ORC4: variants seen among roughly 807,000 people sequenced by gnomAD.
ORC4 encodes origin recognition complex, subunit 4 homolog.
A neutral mutation model predicts 63.9 loss-of-function variants in ORC4; 55 were observed. The observed-to-expected ratio is 0.86, with a 90% CI of 0.69 to 1.08. ORC4 has a LOEUF of 1.08. Among genes scored for constraint, ORC4 ranks in the 50% least tolerant of loss-of-function variants. The pLI, the probability that ORC4 is intolerant of heterozygous loss-of-function variation, is 0.00. For synonymous variants in ORC4, 150 were observed against 168.5 expected, an observed-to-expected ratio of 0.89 and a Z score of 0.85; for missense variants, 511 against 504.4, an observed-to-expected ratio of 1.01 and a Z score of -0.13.
At chr2:147,971,923 TTAA>T (rs1280215974) in intron 4 of ORC4, among the ~76,000 whole-genome samples, 1 of 152,128 alleles carries the variant, frequency 6.6e-6, no homozygotes, top group Non-Finnish European at 1.5e-5. Flanking sequence ...CGTACTCATC[TTAA>T]TAATGTAATT....
chr2:148,015,953 T>C (rs1693256155), intron 1 of ORC4, among the ~76,000 whole-genome samples: 1 of 152,128 alleles, frequency 6.6e-6, no homozygotes, highest in South Asian at 2.1e-4. Flanking sequence ...CAACAACCAA[T>C]TGAGAGCAAT....
intron 5 of ORC4, 68 bp from the exon 6 acceptor site, chr2:147,958,451 T>A: frequency 8.7e-7 from 1 of 1,152,630 alleles, no homozygotes; most frequent in Admixed American, 1.8e-5. Context: ...CAGGTTGTTT[T>A]CCAGTTAAGT....
chr2:148,021,410 G>A (rs1693711017), upstream of ORC4: 1 of 529,128 alleles, frequency 1.9e-6, no homozygotes, highest in African/African-American at 1.9e-5. Context: ...CGTGAGAGGA[G>A]GAGAGAAAGA....
At chr2:147,984,189 C>T (rs574928911) in intron 1 of ORC4, among the ~76,000 whole-genome samples, 3 of 152,196 alleles carry the variant, frequency 2.0e-5, no homozygotes, top group African/African-American at 7.2e-5. Context: ...TGTCTTGTCT[C>T]CCCTTCTACC....
chr2:147,979,467 T>C (rs2105365613), intron 1 of ORC4, among the ~76,000 whole-genome samples: 1 of 152,270 alleles, frequency 6.6e-6, no homozygotes, highest in South Asian at 2.1e-4. Flanking sequence ...ATATACTCCA[T>C]GTTCATGGAC....
chr2:147,959,942 C>A (rs968728193), intron 4 of ORC4, among the ~76,000 whole-genome samples: 4 of 152,112 alleles, frequency 2.6e-5, no homozygotes, highest in African/African-American at 7.2e-5. Flanking sequence ...AAGAGTACAT[C>A]CCTAGATGAT....
At chr2:147,990,256 G>A (rs1003128320) in intron 1 of ORC4, among the ~76,000 whole-genome samples, 5 of 152,256 alleles carry the variant, frequency 3.3e-5, no homozygotes, top group Admixed American at 6.5e-5. Flanking sequence ...GTCAAATAAC[G>A]TAAAATGAAA....
At position 147,931,817 on chromosome 2, in the gene ORC4, A is replaced by G. The variant is rs1687760056; in HGVS notation, c.*3693T>C. The G allele has an allele frequency of 6.6e-6, 1 of 151,908 alleles. No homozygotes were observed. Among genetic ancestry groups the G allele is most frequent in the Non-Finnish European group, 1.5e-5 (1 of 68,018 alleles). 9.4% of individuals were successfully genotyped at this position (151,908 alleles called of 1,614,324 possible). A position where few individuals can be genotyped will look rare whatever the true frequency, so the allele number is the denominator to read the frequency against. On this transcript the variant is annotated 3_prime_UTR_variant, in exon 14 of 14. Coordinates refer to ENST00000392857, the MANE Select transcript of ORC4 (RefSeq NM_181741.4). ...TGATGGGGTGTATTTCAAAATAATA[A>G]GAGCTATCTATGACAAACCCACAGC...
chr2:147,991,239 G>C (rs531389461), intron 1 of ORC4, among the ~76,000 whole-genome samples: 84 of 151,846 alleles, frequency 5.5e-4, no homozygotes, highest in African/African-American at 1.9e-3. Flanking sequence ...GTAGAGATGG[G>C]GTTTCACCAT....
At chr2:147,954,719 T>C (rs1425727485) in intron 7 of ORC4, among the ~76,000 whole-genome samples, 2 of 152,158 alleles carry the variant, frequency 1.3e-5, no homozygotes, top group East Asian at 3.8e-4. Flanking sequence ...TTATGCAAAT[T>C]AAAGAACAAA....
chr2:147,989,535 A>G (rs1674863286), intron 1 of ORC4, among the ~76,000 whole-genome samples: 2 of 152,026 alleles, frequency 1.3e-5, no homozygotes, highest in African/African-American at 4.8e-5. Context: ...GTGAAACTCC[A>G]TCTCTACTAA....
chr2:147,976,418 G>A (rs750022869), intron 1 of ORC4, among the ~76,000 whole-genome samples: 7 of 152,132 alleles, frequency 4.6e-5, no homozygotes, highest in Non-Finnish European at 8.8e-5. Flanking sequence ...TATATGCACT[G>A]AGAAAAGTTT....
chr2:148,000,068 A>T (rs936981857), intron 1 of ORC4, among the ~76,000 whole-genome samples: 1 of 151,702 alleles, frequency 6.6e-6, no homozygotes, highest in Non-Finnish European at 1.5e-5. Context: ...AAGAAAAAAA[A>T]AACATAAAAA....
upstream of ORC4, chr2:148,021,455 T>C (rs1486528994): frequency 5.2e-6 from 3 of 573,632 alleles, no homozygotes; most frequent in African/African-American, 1.9e-5. Context: ...GACCCTTTGC[T>C]GCTGCTGTTG....
chr2:147,941,933 A>G (rs1337771542), intron 10 of ORC4, among the ~76,000 whole-genome samples: 2 of 152,140 alleles, frequency 1.3e-5, no homozygotes, highest in Non-Finnish European at 2.9e-5. Context: ...AGAAGCAGCA[A>G]TGAGGAAAGA....
chr2:147,974,112 G>C (rs1320756181), intron 2 of ORC4, among the ~76,000 whole-genome samples: 1 of 152,124 alleles, frequency 6.6e-6, no homozygotes, highest in East Asian at 1.9e-4. Flanking sequence ...ATGTACCAAA[G>C]AAGTAAATCT....
At chr2:147,991,543 A>C (rs1487564049) in intron 1 of ORC4, among the ~76,000 whole-genome samples, 2 of 151,978 alleles carry the variant, frequency 1.3e-5, no homozygotes, top group Admixed American at 6.6e-5. Flanking sequence ...AAATTACTAC[A>C]GTTGGCCGGG....
chr2:147,953,243 T>G (rs1422217578), intron 7 of ORC4, among the ~76,000 whole-genome samples: 1 of 151,648 alleles, frequency 6.6e-6, no homozygotes, highest in Non-Finnish European at 1.5e-5. Flanking sequence ...AGGCAGAGGT[T>G]GCAGTGAGCT....
chr2:147,952,833 C>A (rs1689036652), intron 7 of ORC4, among the ~76,000 whole-genome samples: 1 of 151,386 alleles, frequency 6.6e-6, no homozygotes, highest in South Asian at 2.1e-4. Context: ...TCGAGACCAG[C>A]CTGACAAACA....
Sources: allele counts gnomAD v4.1 joint callset (sites outside exome capture counted in the v4.1 genomes callset), GRCh38; gene constraint gnomAD v4.1.1; transcripts MANE v1.5; gene names NCBI Gene and HGNC (gene_info 2026-07-23, HGNC 2026-07-21).